Variants in IL26 observed in about 807,000 individuals in gnomAD.
The protein encoded by IL26 is interleukin 26, also known as interleukin-26.
In IL26, 23 loss-of-function variants were observed where a neutral mutation model predicts 21.7. The observed-to-expected ratio is 1.06, with a 90% CI of 0.76 to 1.50. The LOEUF is 1.50. IL26 is among the 40% of genes most tolerant of loss of function. The pLI, the probability that IL26 is intolerant of heterozygous loss-of-function variation, is 0.00. For missense variants in IL26, 204 were observed against 196.0 expected (o/e 1.04, Z -0.24); for synonymous variants, 63 against 67.8 (o/e 0.93, Z 0.34).
chr12:68,206,196 A>G (rs1195992811), intron 3 of IL26, among the ~76,000 whole-genome samples: 1 of 152,236 alleles, frequency 6.6e-6, no homozygotes. Flanking sequence ...GTTTTTTTCT[A>G]TAACAATGAT....
chr12:68,224,428 C>A (rs1384013206), intron 3 of IL26, among the ~76,000 whole-genome samples: 1 of 151,884 alleles, frequency 6.6e-6, no homozygotes, highest in Non-Finnish European at 1.5e-5. Context: ...TGACAGTGAC[C>A]ATACTGAGGC....
intron 3 of IL26, among the ~76,000 whole-genome samples, chr12:68,217,445 A>C (rs1868917212): frequency 6.6e-6 from 1 of 152,212 alleles, no homozygotes; most frequent in South Asian, 2.1e-4. Flanking sequence ...GAAAATCAGA[A>C]AACCAACCAC....
chr12:68,207,885 T>C (rs917394685), intron 3 of IL26, among the ~76,000 whole-genome samples: 2 of 137,202 alleles, frequency 1.5e-5, no homozygotes, highest in African/African-American at 4.9e-5. Context: ...ATACATATAT[T>C]TTATGCATTA....
At chr12:68,222,453 C>T (rs1293575962) in intron 3 of IL26, among the ~76,000 whole-genome samples, 1 of 152,198 alleles carries the variant, frequency 6.6e-6, no homozygotes, top group African/African-American at 2.4e-5. Flanking sequence ...CAGCATTTAA[C>T]TCTGCAGCAG....
At position 68,225,750 on chromosome 12, in the gene IL26, C is replaced by G. The variant is rs746063379; in HGVS notation, c.7G>C (p.Val3Leu). Reference sequence around the variant, plus strand: ...AACCCACACCTCAAAATGAAATTCACCAGCATTTCCCTTCACCCCACTCAG... The same window carrying G: ...AACCCACACCTCAAAATGAAATTCAGCAGCATTTCCCTTCACCCCACTCAG... ML[V>L]NFILRCGLLL... Residue 3 changes from valine to leucine, a missense_variant, in exon 1 of 5, where the codon GTG (valine) becomes CTG (leucine). By Grantham distance (32) the Val-to-Leu change is conservative. Transcript: ENST00000229134. The G allele has an allele frequency of 1.2e-6, 2 of 1,613,640 alleles. No homozygotes were observed. Among genetic ancestry groups the G allele is most frequent in the Non-Finnish European group, 1.7e-6 (2 of 1,179,782 alleles).
At chr12:68,213,008 T>G (rs1193528268) in intron 3 of IL26, among the ~76,000 whole-genome samples, 1 of 152,082 alleles carries the variant, frequency 6.6e-6, no homozygotes, top group East Asian at 1.9e-4. Context: ...CCCCATTCAG[T>G]GTGATGTTAG....
chr12:68,203,272 C>G (rs1401889632), intron 3 of IL26, among the ~76,000 whole-genome samples: 1 of 152,160 alleles, frequency 6.6e-6, no homozygotes, highest in Non-Finnish European at 1.5e-5. Context: ...ATATCCTACT[C>G]TATTCTCCCA....
chr12:68,208,562 G>A (rs116779349), intron 3 of IL26, among the ~76,000 whole-genome samples: 2,044 of 152,128 alleles, frequency 0.013, 61 homozygotes, highest in African/African-American at 0.047. Context: ...GCAGTGGCGC[G>A]CGCAATCTCA....
chr12:68,207,266 T>C (rs774164435), intron 3 of IL26, among the ~76,000 whole-genome samples: 16 of 152,204 alleles, frequency 1.1e-4, no homozygotes, highest in Admixed American at 3.9e-4. Flanking sequence ...GCAGTTCAAC[T>C]TTTTCTTGTA....
At position 68,225,512 on chromosome 12, in the gene IL26, C is replaced by T; in HGVS notation, c.172-12G>A. On this transcript the variant is annotated splice_polypyrimidine_tract_variant and intron_variant, in intron 1 of 4. Coordinates refer to ENST00000229134, the MANE Select transcript of IL26 (RefSeq NM_018402.2). Reference sequence around the variant, plus strand: ...TTTATGCGGTCTTCCTACAATAATACAAAGAGAAATAAGTTGTATCCAAGA... The same window carrying T: ...TTTATGCGGTCTTCCTACAATAATATAAAGAGAAATAAGTTGTATCCAAGA... 6.3e-7 allele frequency: 1 copy of T among 1,599,154 alleles called. No homozygotes were observed. Among genetic ancestry groups the T allele is most frequent in the Non-Finnish European group, 8.6e-7 (1 of 1,167,666 alleles).
intron 3 of IL26, among the ~76,000 whole-genome samples, chr12:68,223,360 C>A (rs971370556): frequency 6.6e-6 from 1 of 152,134 alleles, no homozygotes; most frequent in Non-Finnish European, 1.5e-5. Flanking sequence ...CCAACCAGAG[C>A]GGCGCCACAC....
chr12:68,205,552 GC>G (rs1254869532), intron 3 of IL26, among the ~76,000 whole-genome samples: 1 of 152,054 alleles, frequency 6.6e-6, no homozygotes, highest in Non-Finnish European at 1.5e-5. Flanking sequence ...CTTCATCCTT[GC>G]CATCTTCATG....
intron 3 of IL26, among the ~76,000 whole-genome samples, chr12:68,222,726 A>G (rs1457091482): frequency 6.6e-6 from 1 of 152,110 alleles, no homozygotes; most frequent in Admixed American, 6.5e-5. Context: ...GACTTGACCA[A>G]TTGTGACTTG....
At chr12:68,213,312 CA>C (rs2120448798) in intron 3 of IL26, among the ~76,000 whole-genome samples, 1 of 152,086 alleles carries the variant, frequency 6.6e-6, no homozygotes, top group Admixed American at 6.5e-5. Flanking sequence ...TGTTTGTTTT[CA>C]TTAGAAACAT....
intron 3 of IL26, among the ~76,000 whole-genome samples, chr12:68,203,481 G>A (rs1029014376): frequency 1.3e-5 from 2 of 152,188 alleles, no homozygotes; most frequent in African/African-American, 4.8e-5. Flanking sequence ...CCCACAGGGA[G>A]TCCTATGCTC....
At position 68,225,082 on chromosome 12, in the gene IL26, T is replaced by G. The variant is rs1050429491; in HGVS notation, c.363+67A>C. ...TACTCACCCTTTGGTGTGAGACAGATTCTTACATGCTGACTTCTAAACAGG... is the reference window on the plus strand; with the variant it reads ...TACTCACCCTTTGGTGTGAGACAGAGTCTTACATGCTGACTTCTAAACAGG... On this transcript the variant is annotated intron_variant, in intron 3 of 4. Transcript: ENST00000229134. 2.0e-6 allele frequency: 3 copies of G among 1,495,098 alleles called. No homozygotes were observed. The African/African-American group carries it at 4.2e-5, about 21-fold the overall frequency. The allele number at this position is 1,495,098 out of a possible 1,614,324, so 92.6% of individuals were successfully genotyped here.
At chr12:68,225,422 A>G (rs761968916) in intron 2 of IL26, 22 bp downstream of exon 2, 1 of 1,550,850 alleles carries the variant, frequency 6.4e-7, no homozygotes. Flanking sequence ...AATGTAAAAA[A>G]GAAGAAGACT....
intron 2 of IL26, 41 bp downstream of exon 2, chr12:68,225,403 A>G: frequency 6.5e-7 from 1 of 1,530,222 alleles, no homozygotes; most frequent in Non-Finnish European, 8.9e-7. Context: ...TAAACATCAA[A>G]TAAGTGGAAA....
intron 3 of IL26, among the ~76,000 whole-genome samples, chr12:68,223,602 T>A (rs1869126138): frequency 6.6e-6 from 1 of 152,190 alleles, no homozygotes; most frequent in Non-Finnish European, 1.5e-5. Flanking sequence ...GGCAAGGATT[T>A]AACAATGCAA....
Sources: gnomAD v4.1 joint callset for allele counts (sites outside exome capture counted in the v4.1 genomes callset) on GRCh38, gnomAD v4.1.1 for gene constraint, MANE v1.5 for transcripts, NCBI Gene and HGNC (gene_info 2026-07-23, HGNC 2026-07-21) for gene names.